The following LDB2 variants were observed in gnomAD, a reference collection of about 807,000 sequenced individuals.
LDB2 encodes LIM domain-binding protein 2.
Under a neutral mutation model 44.3 loss-of-function variants are expected in LDB2, and 12 were observed. The observed-to-expected ratio is 0.27, with a 90% CI of 0.17 to 0.44. LDB2 has a LOEUF of 0.44. LDB2 is among the 20% of genes least tolerant of loss of function. The pLI is 1.00. For missense variants in LDB2, 344 were observed against 473.5 expected, an observed-to-expected ratio of 0.73 and a Z score of 2.54; for synonymous variants, 164 against 174.8, an observed-to-expected ratio of 0.94 and a Z score of 0.49.
chr4:16,518,656 A>C (rs937747275), intron 5 of LDB2, among the ~76,000 whole-genome samples: 15 of 152,132 alleles, frequency 9.9e-5, no homozygotes, highest in Non-Finnish European at 1.9e-4. Context: ...AAAAATACTC[A>C]CTATCTTGTC....
At chr4:16,885,043 C>G (rs1256184010) in intron 1 of LDB2, among the ~76,000 whole-genome samples, 3 of 147,910 alleles carry the variant, frequency 2.0e-5, no homozygotes, top group Non-Finnish European at 4.4e-5. Flanking sequence ...GTGTATGAGG[C>G]TTATTTTTAA....
chr4:16,805,935 G>C (rs1778705883), intron 1 of LDB2, among the ~76,000 whole-genome samples: 1 of 152,146 alleles, frequency 6.6e-6, no homozygotes, highest in African/African-American at 2.4e-5. Flanking sequence ...ACCATAGGCT[G>C]TCCTGAAGTG....
chr4:16,552,276 A>T (rs1205539872), intron 5 of LDB2, among the ~76,000 whole-genome samples: 1 of 152,168 alleles, frequency 6.6e-6, no homozygotes, highest in Non-Finnish European at 1.5e-5. Context: ...GTGACCCAGG[A>T]GTGTGTACAA....
chr4:16,700,828 C>A (rs1008716452), intron 2 of LDB2, among the ~76,000 whole-genome samples: 5 of 152,122 alleles, frequency 3.3e-5, no homozygotes, highest in African/African-American at 1.2e-4. Context: ...AAAGTTAAAG[C>A]CCCCTATTGA....
intron 1 of LDB2, among the ~76,000 whole-genome samples, chr4:16,817,388 T>C (rs908089563): frequency 1.3e-5 from 2 of 152,204 alleles, no homozygotes; most frequent in African/African-American, 2.4e-5. Flanking sequence ...GCCCTGCTAC[T>C]AAATGCCATT....
At chr4:16,633,725 C>T (rs184930559) in intron 2 of LDB2, among the ~76,000 whole-genome samples, 72 of 152,318 alleles carry the variant, frequency 4.7e-4, no homozygotes, top group African/African-American at 1.6e-3. Context: ...CCCCATCAAA[C>T]TACCACTGAC....
intron 1 of LDB2, among the ~76,000 whole-genome samples, chr4:16,878,020 C>A (rs555037643): frequency 6.6e-6 from 1 of 152,090 alleles, no homozygotes; most frequent in Admixed American, 6.5e-5. Context: ...AGAGAATAAA[C>A]TAAATCAATC....
intron 2 of LDB2, among the ~76,000 whole-genome samples, chr4:16,607,074 C>T (rs1418182005): frequency 2.0e-5 from 3 of 152,198 alleles, no homozygotes; most frequent in Non-Finnish European, 1.5e-5. Flanking sequence ...TTATACAAGA[C>T]ATTCCTTCTA....
At chr4:16,629,264 A>T (rs1228755093) in intron 2 of LDB2, among the ~76,000 whole-genome samples, 6 of 152,216 alleles carry the variant, frequency 3.9e-5, no homozygotes, top group African/African-American at 1.4e-4. Flanking sequence ...AGCTATGAAG[A>T]GAGCAGTGTT....
rs978952937 is a variant in LDB2, at chr4:16,585,867, C to A, written c.615+55G>T. ...CTTCTTGGTTCAGGATGCATATAAA[C>A]CTCTGGAGTACTTTTCAAACTCACC... is the stretch of plus-strand genomic sequence containing the variant. On this transcript the variant is annotated intron_variant, in intron 5 of 7. Coordinates refer to ENST00000304523, the MANE Select transcript of LDB2 (RefSeq NM_001290.5). 1.3e-5 allele frequency: 18 copies of A among 1,374,020 alleles called. 1 individual carries two copies. Among genetic ancestry groups the A allele is most frequent in the African/African-American group, 1.1e-4 (8 of 70,074 alleles). 85.1% of individuals were successfully genotyped at this position (1,374,020 alleles called of 1,614,324 possible). A position where few individuals can be genotyped will look rare whatever the true frequency, so the allele number is the denominator to read the frequency against.
At chr4:16,874,275 T>C (rs1580399564) in intron 1 of LDB2, among the ~76,000 whole-genome samples, 1 of 152,196 alleles carries the variant, frequency 6.6e-6, no homozygotes, top group East Asian at 1.9e-4. Flanking sequence ...TAGAATATAT[T>C]TTAAAGTGAG....
rs192216973 is a variant in LDB2, at chr4:16,688,883, A to T, written c.235+70275T>A. On this transcript the variant is annotated intron_variant, in intron 2 of 7. Coordinates refer to ENST00000304523, the MANE Select transcript of LDB2 (RefSeq NM_001290.5). The stretch of plus-strand genomic sequence containing the variant: ...ATGTGGTTTTTCAAAACAGAAAATG[A>T]ATATTAGTTTTATAGTTGTGGATTC... Among the ~76,000 whole-genome samples, 5 of 152,392 alleles carry T rather than the reference A, an allele frequency of 3.3e-5. No individual in the cohort carries two copies. The East Asian group carries it at 9.6e-4, about 29-fold the overall frequency.
At chr4:16,625,545 A>G (rs1179841736) in intron 2 of LDB2, among the ~76,000 whole-genome samples, 1 of 152,154 alleles carries the variant, frequency 6.6e-6, no homozygotes, top group African/African-American at 2.4e-5. Flanking sequence ...TTGGTGAATA[A>G]ATGAGTTACA....
At position 16,815,448 on chromosome 4, in the gene LDB2, A is replaced by G. The variant is rs1379293908; in HGVS notation, c.133-56188T>C. ...ACCCCTGAGTTTCTGTTGAAGCTAG[A>G]GTAAATCCAAGACACTTCCATCTAA... On this transcript the variant is annotated intron_variant, in intron 1 of 7. Transcript: ENST00000304523. Among the ~76,000 whole-genome samples the G allele has an allele frequency of 2.0e-5, 3 of 152,224 alleles. No individual in the cohort carries two copies. In the East Asian group the frequency reaches 5.8e-4, roughly 29 times the overall value.
chr4:16,764,779 A>G (rs979124820), intron 1 of LDB2, among the ~76,000 whole-genome samples: 3 of 152,192 alleles, frequency 2.0e-5, no homozygotes, highest in Admixed American at 1.3e-4. Context: ...AAAATGGCCC[A>G]TTCTCCTTTT....
intron 1 of LDB2, among the ~76,000 whole-genome samples, chr4:16,825,760 C>G (rs1441167871): frequency 6.6e-6 from 1 of 152,124 alleles, no homozygotes; most frequent in Non-Finnish European, 1.5e-5. Flanking sequence ...TCACTCTCTG[C>G]TTCATGAGGT....
intron 5 of LDB2, among the ~76,000 whole-genome samples, chr4:16,532,697 A>T (rs1730553780): frequency 6.6e-6 from 1 of 152,106 alleles, no homozygotes; most frequent in Admixed American, 6.5e-5. Context: ...CTAATAGACC[A>T]TGTCTGTTTA....
intron 1 of LDB2, among the ~76,000 whole-genome samples, chr4:16,786,893 C>T (rs1244475033): frequency 6.6e-6 from 1 of 152,152 alleles, no homozygotes; most frequent in East Asian, 1.9e-4. Flanking sequence ...CTTTTGTGAA[C>T]CCTACCACCG....
At chr4:16,782,068 A>G (rs559721428) in intron 1 of LDB2, among the ~76,000 whole-genome samples, 5 of 152,342 alleles carry the variant, frequency 3.3e-5, no homozygotes, top group Admixed American at 6.5e-5. Flanking sequence ...AGGGCAGCCT[A>G]GGAAACAATT....
Sources: gnomAD v4.1 joint callset for allele counts (sites outside exome capture counted in the v4.1 genomes callset) on GRCh38, gnomAD v4.1.1 for gene constraint, MANE v1.5 for transcripts, NCBI Gene and HGNC (gene_info 2026-07-23, HGNC 2026-07-21) for gene names.